Variants in IL16 observed in about 807,000 individuals in gnomAD.
IL16 encodes the protein pro-interleukin-16.
A neutral mutation model predicts 110.1 loss-of-function variants in IL16; 67 were observed. The observed-to-expected ratio is 0.61, with a 90% confidence interval of 0.50 to 0.75. The LOEUF is 0.75. IL16 is among the 30% of genes least tolerant of loss of function. IL16 has a pLI of 0.00. For synonymous variants in IL16, 689 were observed against 662.9 expected, an observed-to-expected ratio of 1.04 and a Z score of -0.61; for missense variants, 1,545 against 1,655.0, an observed-to-expected ratio of 0.93 and a Z score of 1.15.
chr15:81,201,829 A>G (rs1264229661), intron 1 of IL16, among the ~76,000 whole-genome samples: 3 of 152,314 alleles, frequency 2.0e-5, no homozygotes, highest in Non-Finnish European at 4.4e-5. Context: ...ACACACGCGC[A>G]CACACTGTGC....
chr15:81,183,020 AGTGAGTGTGTGTGTGCACACGT>A (rs1199628638), intron 1 of IL16: 16 of 502,000 alleles, frequency 3.2e-5, no homozygotes, highest in Middle Eastern at 5.7e-4. Flanking sequence ...GTAGTATATG[AGTGAGTGTGTGTGTGCACACGT>A]GTGAGTGTGT....
In IL16 at chr15:81,273,139, T is replaced by C. The variant is rs755656016; in HGVS notation, c.725T>C (p.Ile242Thr). 9.3e-6 allele frequency: 15 copies of C among 1,613,200 alleles called. No homozygotes were observed. Among genetic ancestry groups the C allele is most frequent in the African/African-American group, 1.3e-5 (1 of 74,980 alleles). Residue 242 changes from isoleucine to threonine, a missense_variant, in exon 6 of 19, where the codon ATT (isoleucine) becomes ACT (threonine). Ile to Thr is a moderately conservative substitution (Grantham distance 89, BLOSUM62 -1). This residue lies in a region of IL16 where 1,185 missense variants were observed against 1,238.8 expected (regional missense o/e 0.96). Coordinates refer to ENST00000683961, the MANE Select transcript of IL16 (RefSeq NM_172217.5). ...GGAAAAGACAGCATTTATGGCCCCATTGGGATTTACGTCAAAACCATTTTT... is the reference window on the plus strand; with the variant it reads ...GGAAAAGACAGCATTTATGGCCCCACTGGGATTTACGTCAAAACCATTTTT... ...VGGKDSIYGP[I>T]GIYVKTIFAG...
At chr15:81,260,364 C>A (rs1431112954) in intron 3 of IL16, among the ~76,000 whole-genome samples, 1 of 152,082 alleles carries the variant, frequency 6.6e-6, no homozygotes, top group Non-Finnish European at 1.5e-5. Flanking sequence ...CAGTTATTTC[C>A]CTTCTATGCC....
Position 81,299,935 on chromosome 15 carries a change from A to C in IL16, c.2609A>C (p.Glu870Ala). Residue 870 changes from glutamate to alanine, a missense_variant, in exon 14 of 19, where the codon GAG becomes GCG. Glu to Ala is a moderately radical substitution (Grantham distance 107). Coordinates refer to ENST00000683961, the MANE Select transcript of IL16 (RefSeq NM_172217.5). ...CTGAGCCTCCAGCCCTCCTCTGGGGAGGCAGCAAAACCTCTTGGGAAGCAT... is the reference window on the plus strand; with the variant it reads ...CTGAGCCTCCAGCCCTCCTCTGGGGCGGCAGCAAAACCTCTTGGGAAGCAT... ...QRLSLQPSSG[E>A]AAKPLGKHEE... is the part of the protein sequence containing the mutation. 1 of 1,612,796 alleles carries C rather than the reference A, an allele frequency of 6.2e-7. No homozygotes were observed. Among genetic ancestry groups the C allele is most frequent in the Non-Finnish European group, 8.5e-7 (1 of 1,179,644 alleles).
chr15:81,263,918 C>G (rs1051241671), intron 3 of IL16, among the ~76,000 whole-genome samples: 4 of 152,144 alleles, frequency 2.6e-5, no homozygotes, highest in African/African-American at 9.7e-5. Flanking sequence ...CATTTCCTCA[C>G]TGATAGAGGA....
chr15:81,307,632 G>A (rs1900639683), intron 18 of IL16, among the ~76,000 whole-genome samples: 1 of 152,222 alleles, frequency 6.6e-6, no homozygotes, highest in South Asian at 2.1e-4. Flanking sequence ...TCTGCCACAT[G>A]ACCTTGGTAG....
At chr15:81,251,221 C>T (rs1897757045) in intron 2 of IL16, among the ~76,000 whole-genome samples, 2 of 152,260 alleles carry the variant, frequency 1.3e-5, no homozygotes, top group Non-Finnish European at 2.9e-5. Context: ...GGCTGGGATG[C>T]AGTGGTGTGA....
Position 81,256,689 on chromosome 15 carries a change from T to A in IL16, c.313-3083T>A, listed in dbSNP as rs575416067. ...TAGTATTCGATGTATTGTGTACACATCATTTACTTATTTACGCTCATGCAG... is the reference window on the plus strand; with the variant it reads ...TAGTATTCGATGTATTGTGTACACAACATTTACTTATTTACGCTCATGCAG... On this transcript the variant is annotated intron_variant, in intron 2 of 18. Coordinates refer to ENST00000683961, the MANE Select transcript of IL16 (RefSeq NM_172217.5). Among the ~76,000 whole-genome samples the A allele has an allele frequency of 7.9e-5, 12 of 152,296 alleles. No homozygotes were observed. The East Asian group carries it at 2.1e-3, about 27-fold the overall frequency.
chr15:81,306,348 C>T (rs1256671641), intron 17 of IL16, 72 bp from the exon 18 acceptor site: 2 of 1,588,870 alleles, frequency 1.3e-6, no homozygotes, highest in East Asian at 4.5e-5. Context: ...ACCCCGGGCT[C>T]ACTTGAAGCC....
In IL16 at chr15:81,303,694, G is replaced by C. The variant is rs1348091205; in HGVS notation, c.3420+44G>C. ...GGGCATGTCACAGCCAGAGGCAATGGTTCTGGGGGAGGGGGACACACTTGC... is the reference window on the plus strand; with the variant it reads ...GGGCATGTCACAGCCAGAGGCAATGCTTCTGGGGGAGGGGGACACACTTGC... On this transcript the variant is annotated intron_variant, in intron 16 of 18. Coordinates refer to ENST00000683961, the MANE Select transcript of IL16 (RefSeq NM_172217.5). This position sits in a 1 kb window ranked among gnomAD's most constrained non-coding sequence, Gnocchi z 4.1. 7 of 1,297,514 alleles carry C rather than the reference G, an allele frequency of 5.4e-6. No individual in the cohort carries two copies. The highest frequency in any genetic ancestry group is 1.7e-5 in the Admixed American group (1 of 59,186). 80.4% of individuals were successfully genotyped at this position (1,297,514 alleles called of 1,614,324 possible).
Position 81,303,679 on chromosome 15 carries a change from C to G in IL16, c.3420+29C>G. The G allele has an allele frequency of 7.0e-7, 1 of 1,418,454 alleles. No homozygotes were observed. The highest frequency in any genetic ancestry group is 1.0e-6 in the Non-Finnish European group (1 of 1,001,864). 87.9% of individuals were successfully genotyped at this position (1,418,454 alleles called of 1,614,324 possible). A position where few individuals can be genotyped will look rare whatever the true frequency, so the allele number is the denominator to read the frequency against. The stretch of plus-strand genomic sequence containing the variant: ...AGTGGCCAAGTGAAGGGGCATGTCA[C>G]AGCCAGAGGCAATGGTTCTGGGGGA... On this transcript the variant is annotated intron_variant, in intron 16 of 18. Transcript: ENST00000683961. The surrounding 1 kb of genome is among the most constrained non-coding windows in gnomAD (Gnocchi z 4.1).
chr15:81,252,085 G>T (rs1024111090), intron 2 of IL16, among the ~76,000 whole-genome samples: 2 of 152,184 alleles, frequency 1.3e-5, no homozygotes, highest in Non-Finnish European at 2.9e-5. Context: ...ACAGCTATTT[G>T]TCTGGGGACA....
At position 81,245,724 on chromosome 15, in the gene IL16, C is replaced by CTTTTTTTTTTT. The variant is rs1009292228; in HGVS notation, c.313-14034_313-14024dup. 4.1e-4 allele frequency among the ~76,000 whole-genome samples: 25 copies of CTTTTTTTTTTT among 61,282 alleles called. 2 individuals are homozygous for CTTTTTTTTTTT. Among genetic ancestry groups the CTTTTTTTTTTT allele is most frequent in the African/African-American group, 9.5e-4 (14 of 14,670 alleles). 40.2% of individuals were successfully genotyped at this position (61,282 alleles called of 152,430 possible). On this transcript the variant is annotated intron_variant, in intron 2 of 18. Transcript: ENST00000683961. ...TAGAGAGATCAGACTTTTGTTTTGG[C>CTTTTTTTTTTT]TTTTTTTTTTTTTTTTTTTTTTTTG...
At chr15:81,250,944 G>T (rs1897747804) in intron 2 of IL16, among the ~76,000 whole-genome samples, 1 of 152,124 alleles carries the variant, frequency 6.6e-6, no homozygotes. Flanking sequence ...GAAGGGACTG[G>T]TATTTCTCTT....
intron 4 of IL16, among the ~76,000 whole-genome samples, chr15:81,266,351 C>G (rs1281499220): frequency 1.3e-5 from 2 of 152,130 alleles, no homozygotes; most frequent in African/African-American, 4.8e-5. Context: ...GTTGTTAGTC[C>G]CATTTTATAG....
intron 6 of IL16, among the ~76,000 whole-genome samples, chr15:81,275,155 A>T (rs1002089760): frequency 8.6e-5 from 13 of 151,166 alleles, no homozygotes; most frequent in Non-Finnish European, 1.8e-4. Context: ...GAGGAGGAGG[A>T]GGAAAAGGAA....
chr15:81,264,674 C>T (rs1397197484), intron 3 of IL16, among the ~76,000 whole-genome samples: 3 of 152,166 alleles, frequency 2.0e-5, no homozygotes, highest in Non-Finnish European at 4.4e-5. Flanking sequence ...GCCTCTAGAA[C>T]GGAACTGCCC....
At chr15:81,237,733 T>G (rs1024266015) in intron 2 of IL16, among the ~76,000 whole-genome samples, 5 of 152,276 alleles carry the variant, frequency 3.3e-5, no homozygotes, top group African/African-American at 9.6e-5. Flanking sequence ...TATTATTTAG[T>G]TCCACTTATT....
At chr15:81,274,359 C>T (rs1475170219) in intron 6 of IL16, among the ~76,000 whole-genome samples, 1 of 152,168 alleles carries the variant, frequency 6.6e-6, no homozygotes, top group Non-Finnish European at 1.5e-5. Context: ...ATTTTAGTAT[C>T]CATAAAAAAG....
Sources: gnomAD v4.1 joint callset for allele counts (sites outside exome capture counted in the v4.1 genomes callset) on GRCh38, gnomAD v4.1.1 for gene constraint, gnomAD v4.1.1 regional missense constraint, Gnocchi (gnomAD v3.1) non-coding constraint, MANE v1.5 for transcripts, NCBI Gene and HGNC (gene_info 2026-07-23, HGNC 2026-07-21) for gene names.